The following GPC6 variants were observed in gnomAD, a reference collection of about 807,000 sequenced individuals.
GPC6 encodes the protein glypican-6.
Under a neutral mutation model 55.2 loss-of-function variants are expected in GPC6, and 14 were observed. The observed-to-expected ratio is 0.25, with a 90% CI of 0.17 to 0.40. GPC6 has a LOEUF of 0.40. GPC6 is among the 10% of genes least tolerant of loss of function. GPC6 has a pLI of 1.00. For synonymous variants in GPC6, 278 were observed against 259.6 expected (o/e 1.07, Z -0.68); for missense variants, 641 against 708.5 (o/e 0.90, Z 1.08).
chr13:93,231,380 C>CACAT (rs1566533500), intron 1 of GPC6, among the ~76,000 whole-genome samples: 2 of 30,936 alleles, frequency 6.5e-5, no homozygotes, highest in Non-Finnish European at 1.2e-4. Context: ...TATATATATA[C>CACAT]ATATATATAT....
chr13:93,765,257 T>TAAGCTGTCTGGAAAGACAACTTTCCAGAC, intron 2 of GPC6, among the ~76,000 whole-genome samples: 1 of 78,650 alleles, frequency 1.3e-5, no homozygotes, highest in Non-Finnish European at 3.7e-5. Context: ...ACTTTCCAGA[T>TAAGCTGTCTGGAAAGACAACTTTCCAGAC]AAGCTGTCTG....
intron 1 of GPC6, among the ~76,000 whole-genome samples, chr13:93,536,621 T>C (rs1261866138): frequency 6.6e-6 from 1 of 152,248 alleles, no homozygotes; most frequent in East Asian, 1.9e-4. Context: ...TTTATTCACC[T>C]GTGGATGGGC....
In GPC6 at chr13:94,403,611, C is replaced by T. The variant is rs892608690; in HGVS notation, c.*394C>T. On this transcript the variant is annotated 3_prime_UTR_variant, in exon 9 of 9. Coordinates refer to ENST00000377047, the MANE Select transcript of GPC6 (RefSeq NM_005708.5). ...TTTTCCTTGTAAAATCGGGCCAAAC[C>T]CCAAGACAGCTACATTTTCAACAAA... The T allele has an allele frequency of 7.5e-5, 19 of 252,420 alleles. No homozygotes were observed. Among genetic ancestry groups the T allele is most frequent in the African/African-American group, 3.6e-4 (16 of 44,442 alleles). The allele number at this position is 252,420 out of a possible 1,614,324, so 15.6% of individuals were successfully genotyped here. A position where few individuals can be genotyped will look rare whatever the true frequency, so the allele number is the denominator to read the frequency against.
intron 4 of GPC6, among the ~76,000 whole-genome samples, chr13:94,053,952 G>A (rs973924197): frequency 6.6e-6 from 1 of 151,978 alleles, no homozygotes; most frequent in African/African-American, 2.4e-5. Flanking sequence ...AAAAAAGAGA[G>A]GGGCTTCAAA....
At chr13:93,826,098 G>C (rs538457624) in intron 2 of GPC6, among the ~76,000 whole-genome samples, 45 of 152,044 alleles carry the variant, frequency 3.0e-4, no homozygotes, top group African/African-American at 1.1e-3. Context: ...GACCTCAGGT[G>C]ATCTGCCCAC....
At chr13:93,413,009 T>A (rs1876569097) in intron 1 of GPC6, among the ~76,000 whole-genome samples, 1 of 152,204 alleles carries the variant, frequency 6.6e-6, no homozygotes, top group South Asian at 2.1e-4. Context: ...AATTTCTATC[T>A]TCATACAAGC....
intron 3 of GPC6, among the ~76,000 whole-genome samples, chr13:93,910,542 A>G (rs1054353173): frequency 2.6e-5 from 4 of 151,982 alleles, no homozygotes; most frequent in African/African-American, 9.7e-5. Context: ...TATTTACCTC[A>G]CCTCTAGGGA....
chr13:93,483,223 C>A (rs1244883824), intron 1 of GPC6, among the ~76,000 whole-genome samples: 2 of 152,162 alleles, frequency 1.3e-5, no homozygotes, highest in Non-Finnish European at 2.9e-5. Context: ...TCCCACCTTT[C>A]ACTGATGTAT....
chr13:94,274,296 C>G (rs1015976624), intron 4 of GPC6, among the ~76,000 whole-genome samples: 1 of 152,044 alleles, frequency 6.6e-6, no homozygotes, highest in African/African-American at 2.4e-5. Flanking sequence ...TATATTTGTT[C>G]TCTCCTCCTC....
chr13:94,372,005 A>C (rs1879566600), intron 6 of GPC6, among the ~76,000 whole-genome samples: 1 of 151,942 alleles, frequency 6.6e-6, no homozygotes, highest in African/African-American at 2.4e-5. Context: ...CTGGGTCCCT[A>C]CCTCCAAATC....
intron 1 of GPC6, among the ~76,000 whole-genome samples, chr13:93,451,550 A>G (rs1332170893): frequency 6.6e-6 from 1 of 152,218 alleles, no homozygotes; most frequent in Non-Finnish European, 1.5e-5. Context: ...GTGTTGGAAC[A>G]CCATCATGCC....
intron 1 of GPC6, among the ~76,000 whole-genome samples, chr13:93,453,817 A>G (rs970237504): frequency 2.0e-5 from 3 of 152,018 alleles, no homozygotes; most frequent in Non-Finnish European, 4.4e-5. Context: ...GCGTGGACCC[A>G]AACAGTGAGC....
chr13:94,206,740 C>T (rs1889913719), intron 4 of GPC6, among the ~76,000 whole-genome samples: 1 of 152,046 alleles, frequency 6.6e-6, no homozygotes, highest in East Asian at 1.9e-4. Flanking sequence ...TGTAGTCCAG[C>T]TACTCAGCAG....
At chr13:93,870,433 G>C (rs1005410029) in intron 3 of GPC6, among the ~76,000 whole-genome samples, 1 of 151,826 alleles carries the variant, frequency 6.6e-6, no homozygotes, top group Non-Finnish European at 1.5e-5. Context: ...ACATAAATAT[G>C]CTGGAGAATA....
At chr13:94,299,390 T>C (rs575457094) in intron 5 of GPC6, among the ~76,000 whole-genome samples, 23 of 152,354 alleles carry the variant, frequency 1.5e-4, no homozygotes, top group African/African-American at 5.5e-4. Flanking sequence ...TCCAAACTTA[T>C]AGACTTGTGT....
At chr13:93,331,844 A>G (rs934768754) in intron 1 of GPC6, among the ~76,000 whole-genome samples, 1 of 152,000 alleles carries the variant, frequency 6.6e-6, no homozygotes, top group Non-Finnish European at 1.5e-5. Context: ...CTATTAGCCA[A>G]CCTTTCTTTA....
chr13:94,337,284 G>A (rs1877757679), intron 6 of GPC6, among the ~76,000 whole-genome samples: 1 of 152,112 alleles, frequency 6.6e-6, no homozygotes, highest in African/African-American at 2.4e-5. Context: ...GTAGGATGCA[G>A]TAAATAGCGC....
intron 1 of GPC6, among the ~76,000 whole-genome samples, chr13:93,389,950 A>G (rs1875553216): frequency 6.6e-6 from 1 of 152,136 alleles, no homozygotes; most frequent in Admixed American, 6.5e-5. Flanking sequence ...TGCTTTTACT[A>G]CTAATGAATT....
chr13:93,579,214 T>C (rs962018029), intron 2 of GPC6, among the ~76,000 whole-genome samples: 6 of 152,202 alleles, frequency 3.9e-5, no homozygotes, highest in African/African-American at 1.2e-4. Flanking sequence ...ACTACTCTAG[T>C]GTACATTTCA....
Sources: gnomAD v4.1 joint callset for allele counts (sites outside exome capture counted in the v4.1 genomes callset) on GRCh38, gnomAD v4.1.1 for gene constraint, MANE v1.5 for transcripts, NCBI Gene and HGNC (gene_info 2026-07-23, HGNC 2026-07-21) for gene names.